The following PTPRO variants were observed in gnomAD, a reference collection of about 807,000 sequenced individuals.
PTPRO encodes protein tyrosine phosphatase receptor type O.
Under a neutral mutation model 145.2 loss-of-function variants are expected in PTPRO, and 62 were observed. That is an observed-to-expected ratio of 0.43 (90% CI 0.35 to 0.53). The LOEUF (loss-of-function observed/expected upper bound fraction) is 0.53, where lower values mean the gene tolerates loss of function less well. Ranked by LOEUF, PTPRO falls within the 20% of genes least tolerant of loss-of-function variation. PTPRO has a pLI of 0.01. For missense variants in PTPRO, 1,345 were observed against 1,482.7 expected, an observed-to-expected ratio of 0.91 and a Z score of 1.53; for synonymous variants, 565 against 514.7, an observed-to-expected ratio of 1.10 and a Z score of -1.32.
intron 10 of PTPRO, among the ~76,000 whole-genome samples, chr12:15,524,418 G>A (rs2072540): frequency 0.42 from 63,165 of 151,936 alleles, 13,487 homozygotes; most frequent in African/African-American, 0.48. Flanking sequence ...GACTTAGTTT[G>A]CAGGACTCTA....
intron 1 of PTPRO, among the ~76,000 whole-genome samples, chr12:15,382,145 TC>T (rs1214260296): frequency 6.8e-6 from 1 of 147,192 alleles, no homozygotes; most frequent in East Asian, 2.0e-4. Context: ...AGAGATGGCA[TC>T]CAAAAAGTGA....
At chr12:15,521,276 T>C (rs1351882173) in intron 10 of PTPRO, among the ~76,000 whole-genome samples, 1 of 152,102 alleles carries the variant, frequency 6.6e-6, no homozygotes, top group African/African-American at 2.4e-5. Context: ...TCTTACACAA[T>C]TAACTTACAT....
At chr12:15,519,826 G>A (rs184118487) in intron 9 of PTPRO, among the ~76,000 whole-genome samples, 7 of 152,284 alleles carry the variant, frequency 4.6e-5, no homozygotes, top group Admixed American at 3.3e-4. Context: ...ACTCCTGTTC[G>A]TGGTTTACAC....
chr12:15,585,947 A>G (rs1373957164), intron 23 of PTPRO, among the ~76,000 whole-genome samples: 1 of 151,574 alleles, frequency 6.6e-6, no homozygotes, highest in Non-Finnish European at 1.5e-5. Flanking sequence ...AGGAATAGGA[A>G]AATATACAAG....
At chr12:15,412,492 AC>A (rs1317354347) in intron 1 of PTPRO, among the ~76,000 whole-genome samples, 1 of 152,178 alleles carries the variant, frequency 6.6e-6, no homozygotes, top group East Asian at 1.9e-4. Context: ...AATAAAGAAA[AC>A]CCTTAATTAA....
At chr12:15,527,043 G>A (rs190071767) in intron 12 of PTPRO, among the ~76,000 whole-genome samples, 2 of 152,068 alleles carry the variant, frequency 1.3e-5, no homozygotes, top group Non-Finnish European at 2.9e-5. Context: ...AATTAAAGTA[G>A]GGACAACACA....
intron 1 of PTPRO, among the ~76,000 whole-genome samples, chr12:15,335,691 T>A (rs1281563162): frequency 6.7e-6 from 1 of 149,718 alleles, no homozygotes; most frequent in Non-Finnish European, 1.5e-5. Flanking sequence ...GGTTTTGTTA[T>A]TTTTTTTTAA....
intron 1 of PTPRO, among the ~76,000 whole-genome samples, chr12:15,454,588 T>C (rs1941127256): frequency 6.6e-6 from 1 of 152,224 alleles, no homozygotes. Context: ...CTGTTGTCTA[T>C]ATAGTCTGTT....
At chr12:15,558,171 T>A (rs1943686351) in intron 16 of PTPRO, among the ~76,000 whole-genome samples, 1 of 152,092 alleles carries the variant, frequency 6.6e-6, no homozygotes, top group Non-Finnish European at 1.5e-5. Context: ...TGGGCTGAAG[T>A]GATCCTCCCA....
At chr12:15,461,767 C>T (rs1040973647) in intron 1 of PTPRO, among the ~76,000 whole-genome samples, 3 of 151,998 alleles carry the variant, frequency 2.0e-5, no homozygotes, top group East Asian at 1.9e-4. Context: ...GGGGTTTCAC[C>T]GTGTTGGCCA....
intron 1 of PTPRO, among the ~76,000 whole-genome samples, chr12:15,452,771 G>T (rs1390807095): frequency 6.6e-6 from 1 of 152,086 alleles, no homozygotes; most frequent in Non-Finnish European, 1.5e-5. Flanking sequence ...TAGGCTTTCT[G>T]CCTTTACTAC....
intron 1 of PTPRO, among the ~76,000 whole-genome samples, chr12:15,340,528 T>C (rs923525098): frequency 3.9e-5 from 6 of 152,228 alleles, no homozygotes; most frequent in Non-Finnish European, 8.8e-5. Context: ...AAAAAGTCTG[T>C]ATATCAGTGG....
At chr12:15,553,652 G>T (rs993315342) in intron 15 of PTPRO, among the ~76,000 whole-genome samples, 2 of 152,180 alleles carry the variant, frequency 1.3e-5, no homozygotes, top group African/African-American at 4.8e-5. Context: ...AAAATGAGCA[G>T]GCATTGCAGG....
intron 1 of PTPRO, among the ~76,000 whole-genome samples, chr12:15,399,136 T>G (rs1939422329): frequency 6.6e-6 from 1 of 152,184 alleles, no homozygotes; most frequent in Non-Finnish European, 1.5e-5. Flanking sequence ...TAGATGCAAG[T>G]AAGAAAAAAG....
chr12:15,554,183 A>G (rs577546643), intron 15 of PTPRO, among the ~76,000 whole-genome samples: 3 of 152,276 alleles, frequency 2.0e-5, no homozygotes, highest in African/African-American at 7.2e-5. Flanking sequence ...CTCAAAAAAC[A>G]AATAAACAAA....
intron 10 of PTPRO, among the ~76,000 whole-genome samples, chr12:15,523,650 C>T (rs1167653255): frequency 3.3e-5 from 5 of 152,118 alleles, no homozygotes; most frequent in Non-Finnish European, 5.9e-5. Flanking sequence ...AGGCCTGTAC[C>T]TGTAGTCCTA....
chr12:15,499,533 T>G lies in PTPRO; in HGVS notation c.600T>G (p.Phe200Leu). ...TTCAGCTGGTATCTGAGGCAACTTT[T>G]AATAAAAGTACCCTTGTTGAGTACA... Reference protein sequence around the residue: ...ITFQLVSEATFNKSTLVEYSG... With the variant: ...ITFQLVSEATLNKSTLVEYSG... Residue 200 changes from phenylalanine (F) to leucine (L), a missense_variant, in exon 4 of 27, where the codon TTT (phenylalanine) becomes TTG (leucine). Around this residue, in one of 3 missense-constraint regions of PTPRO, gnomAD observed 1,130 missense variants for 1,214.7 expected, o/e 0.93. Coordinates refer to ENST00000281171, the MANE Select transcript of PTPRO (RefSeq NM_030667.3). 1 of 1,613,872 alleles carries G rather than the reference T, an allele frequency of 6.2e-7. No homozygotes were observed. Among genetic ancestry groups the G allele is most frequent in the Non-Finnish European group, 8.5e-7 (1 of 1,179,812 alleles).
chr12:15,447,297 T>C (rs1723226286), intron 1 of PTPRO, among the ~76,000 whole-genome samples: 2 of 152,184 alleles, frequency 1.3e-5, no homozygotes, highest in South Asian at 2.1e-4. Context: ...AGCTCCAAAA[T>C]TGTGCTTAAG....
At chr12:15,555,653 G>A (rs968798902) in intron 15 of PTPRO, among the ~76,000 whole-genome samples, 32 of 152,144 alleles carry the variant, frequency 2.1e-4, no homozygotes, top group African/African-American at 7.7e-4. Flanking sequence ...AGCATTTTTT[G>A]TGGTACATAC....
Sources: gnomAD v4.1 joint callset for allele counts (sites outside exome capture counted in the v4.1 genomes callset) on GRCh38, gnomAD v4.1.1 for gene constraint, gnomAD v4.1.1 regional missense constraint, MANE v1.5 for transcripts, NCBI Gene and HGNC (gene_info 2026-07-23, HGNC 2026-07-21) for gene names.